Variants in CHN2 observed in about 807,000 individuals in gnomAD.
CHN2 encodes beta-chimaerin.
In CHN2, 35 loss-of-function variants were observed where a neutral mutation model predicts 56.3. The ratio of observed to expected loss-of-function variants is 0.62; its 90% CI spans 0.47 to 0.82. The LOEUF (loss-of-function observed/expected upper bound fraction) is 0.82. Among genes scored for constraint, CHN2 ranks in the 40% least tolerant of loss-of-function variants. The pLI is 0.00. For missense variants in CHN2, 491 were observed against 580.5 expected (o/e 0.85, Z 1.58); for synonymous variants, 210 against 212.8 (o/e 0.99, Z 0.12).
intron 1 of CHN2, among the ~76,000 whole-genome samples, chr7:29,197,116 G>A (rs1783797706): frequency 6.6e-6 from 1 of 152,178 alleles, no homozygotes; most frequent in Admixed American, 6.5e-5. Flanking sequence ...GAGAGGTGTT[G>A]GGCAGAAAGA....
intron 6 of CHN2, among the ~76,000 whole-genome samples, chr7:29,405,261 AGCTCAACCCGAT>A (rs1469070882): frequency 6.8e-6 from 1 of 147,258 alleles, no homozygotes; most frequent in East Asian, 2.1e-4. Flanking sequence ...GTTTCTTCTC[AGCTCAACCCGAT>A]GCTGATAGGA....
In CHN2 at chr7:29,249,696, C is replaced by G. The variant is rs1033197925; in HGVS notation, c.49+54706C>G. 2.6e-5 allele frequency among the ~76,000 whole-genome samples: 4 copies of G among 152,122 alleles called. No homozygotes were observed. The East Asian group carries it at 7.7e-4, about 29-fold the overall frequency. ...AGAGAATGTATTCATCCACGTGTAT[C>G]TTGCAGCTTCCAGGAAAGCAACTTA... On this transcript the variant is annotated intron_variant, in intron 1 of 12. Coordinates refer to ENST00000222792, the MANE Select transcript of CHN2 (RefSeq NM_004067.4).
intron 6 of CHN2, among the ~76,000 whole-genome samples, chr7:29,460,646 G>C (rs1000128199): frequency 1.3e-5 from 2 of 152,224 alleles, no homozygotes; most frequent in Non-Finnish European, 2.9e-5. Flanking sequence ...TTTGGCTTCA[G>C]GACCTTTCAT....
At chr7:29,312,049 GTACTGGAAATTAA>G (rs1181723980) in intron 1 of CHN2, among the ~76,000 whole-genome samples, 4 of 152,154 alleles carry the variant, frequency 2.6e-5, no homozygotes, top group African/African-American at 9.7e-5. Context: ...GGCAACTACA[GTACTGGAAATTAA>G]TACAAATCCT....
intron 1 of CHN2, among the ~76,000 whole-genome samples, chr7:29,312,358 G>GT (rs1336073696): frequency 2.6e-5 from 4 of 151,990 alleles, no homozygotes; most frequent in East Asian, 3.9e-4. Context: ...TGCCAAATAT[G>GT]TTTTTTTGAA....
At chr7:29,323,721 G>GGC (rs1251200829) in intron 1 of CHN2, among the ~76,000 whole-genome samples, 3 of 151,962 alleles carry the variant, frequency 2.0e-5, no homozygotes, top group Non-Finnish European at 4.4e-5. Context: ...GTTGAGGCTG[G>GGC]GCGCGGTGGC....
In CHN2 at chr7:29,264,202, C is replaced by T. The variant is rs1303882146; in HGVS notation, c.49+69212C>T. Among the ~76,000 whole-genome samples the T allele has an allele frequency of 2.0e-5, 3 of 147,236 alleles. No homozygotes were observed. In the East Asian group the frequency reaches 6.6e-4, roughly 32 times the overall value. Reference sequence around the variant, plus strand: ...CCGCCCTGTCTGGGAAGTGAGGAGCCCCTCTGCCCGGCCACCACCCCGTCT... The same window carrying T: ...CCGCCCTGTCTGGGAAGTGAGGAGCTCCTCTGCCCGGCCACCACCCCGTCT... On this transcript the variant is annotated intron_variant, in intron 1 of 12. Transcript: ENST00000222792.
At chr7:29,396,484 A>T (rs1801756361) in intron 4 of CHN2, among the ~76,000 whole-genome samples, 2 of 150,806 alleles carry the variant, frequency 1.3e-5, no homozygotes, top group African/African-American at 2.4e-5. Flanking sequence ...AAAAAAAAAA[A>T]ATCTAGCTGC....
chr7:29,287,964 G>C (rs79858618), intron 1 of CHN2, among the ~76,000 whole-genome samples: 2,369 of 152,130 alleles, frequency 0.016, 72 homozygotes, highest in African/African-American at 0.055. Flanking sequence ...ATTATTTAAG[G>C]AACCTCAGAA....
intron 10 of CHN2, among the ~76,000 whole-genome samples, chr7:29,505,093 C>T (rs1001528430): frequency 6.6e-6 from 1 of 152,166 alleles, no homozygotes; most frequent in Admixed American, 6.5e-5. Context: ...TCCCATTCTT[C>T]TCATTCTCTC....
At chr7:29,442,968 C>T (rs1350283442) in intron 6 of CHN2, among the ~76,000 whole-genome samples, 1 of 84,798 alleles carries the variant, frequency 1.2e-5, no homozygotes, top group Non-Finnish European at 2.2e-5. Flanking sequence ...GAGTCTCGCT[C>T]TGTCGCCCAG....
intron 7 of CHN2, chr7:29,483,744 C>G: frequency 1.1e-6 from 1 of 943,616 alleles, no homozygotes; most frequent in East Asian, 7.6e-5. Flanking sequence ...TGGCTGAGCT[C>G]TGAAAATCTT....
At chr7:29,429,351 G>A (rs1350105006) in intron 6 of CHN2, among the ~76,000 whole-genome samples, 1 of 152,230 alleles carries the variant, frequency 6.6e-6, no homozygotes, top group African/African-American at 2.4e-5. Context: ...ATTGCAGTAA[G>A]AGTGAAATAG....
intron 1 of CHN2, among the ~76,000 whole-genome samples, chr7:29,318,805 A>G (rs39121): frequency 0.57 from 86,107 of 152,034 alleles, 24,589 homozygotes; most frequent in East Asian, 0.65. Context: ...GAAAGCTGCA[A>G]GGAACATTAT....
intron 1 of CHN2, among the ~76,000 whole-genome samples, chr7:29,211,351 T>C (rs1737832423): frequency 6.6e-6 from 1 of 151,892 alleles, no homozygotes; most frequent in South Asian, 2.1e-4. Context: ...GTGCTGGGAT[T>C]ACAGGCGTGA....
At chr7:29,260,395 A>T (rs1789437835) in intron 1 of CHN2, among the ~76,000 whole-genome samples, 1 of 152,140 alleles carries the variant, frequency 6.6e-6, no homozygotes, top group African/African-American at 2.4e-5. Context: ...TAATTTTGTC[A>T]TCTCTCATTG....
chr7:29,378,044 C>T (rs1455282784), intron 3 of CHN2, among the ~76,000 whole-genome samples: 1 of 152,222 alleles, frequency 6.6e-6, no homozygotes, highest in Non-Finnish European at 1.5e-5. Flanking sequence ...TGTAATTACA[C>T]TACTCTGGTT....
intron 2 of CHN2, among the ~76,000 whole-genome samples, chr7:29,366,987 T>C (rs1799218125): frequency 6.6e-6 from 1 of 152,236 alleles, no homozygotes. Flanking sequence ...AGAAAGACTT[T>C]ATCAGATCTA....
At chr7:29,289,755 GC>G (rs1193268848) in intron 1 of CHN2, among the ~76,000 whole-genome samples, 3 of 152,152 alleles carry the variant, frequency 2.0e-5, no homozygotes. Flanking sequence ...GCCTATCAAC[GC>G]CGCACTGTTT....
Sources: gnomAD v4.1 joint callset for allele counts (sites outside exome capture counted in the v4.1 genomes callset) on GRCh38, gnomAD v4.1.1 for gene constraint, MANE v1.5 for transcripts, NCBI Gene and HGNC (gene_info 2026-07-23, HGNC 2026-07-21) for gene names.